ETFB: variants seen among roughly 807,000 people sequenced by gnomAD.
ETFB encodes the protein electron transfer flavoprotein subunit beta.
ETFB carries 20 observed loss-of-function variants against 25.6 expected under a neutral mutation model. The ratio of observed to expected loss-of-function variants is 0.78; its 90% CI spans 0.55 to 1.14. ETFB has a LOEUF of 1.14. ETFB is among the 50% of genes most tolerant of loss of function. ETFB has a pLI of 0.00. For synonymous variants in ETFB, 142 were observed against 146.7 expected, an observed-to-expected ratio of 0.97 and a Z score of 0.23; for missense variants, 286 against 342.6, an observed-to-expected ratio of 0.83 and a Z score of 1.30.
At chr19:51,362,262 C>T (rs1269245123) in intron 1 of ETFB, among the ~76,000 whole-genome samples, 1 of 151,804 alleles carries the variant, frequency 6.6e-6, no homozygotes, top group Non-Finnish European at 1.5e-5. Flanking sequence ...ACTAAACATC[C>T]ATTACTACTA....
At chr19:51,351,384 C>T (rs554184688) in intron 3 of ETFB, among the ~76,000 whole-genome samples, 1 of 152,240 alleles carries the variant, frequency 6.6e-6, no homozygotes, top group African/African-American at 2.4e-5. Context: ...TGCCTGAAGC[C>T]CCTGATTTAC....
intron 3 of ETFB, 38 bp downstream of exon 3, chr19:51,353,094 A>G (rs1568467509): frequency 6.2e-7 from 1 of 1,612,828 alleles, no homozygotes; most frequent in Non-Finnish European, 8.5e-7. Flanking sequence ...CCGAGCAGGG[A>G]TGAGCAAGGG....
Position 51,353,194 on chromosome 19 carries a change from C to T in ETFB, c.313G>A (p.Ala105Thr). ...TCTGCCAGCTTGGCCAGGACCCGAG[C>T]CACCTGCAGGGGACCCAAGCGTTCT... ...EAERLGPLQV[A>T]RVLAKLAEKE... The change falls in exon 3 of 6, where the codon GCT (alanine) becomes ACT (threonine). Residue 105 changes from alanine (A) to threonine (T), a missense_variant. By Grantham distance (58) the Ala-to-Thr change is moderately conservative. Transcript: ENST00000309244. 6.2e-7 allele frequency: 1 copy of T among 1,614,144 alleles called. No homozygotes were observed.
At chr19:51,353,846 T>C (rs74176135) in intron 2 of ETFB, among the ~76,000 whole-genome samples, 50 of 7,302 alleles carry the variant, frequency 6.8e-3, no homozygotes, top group Non-Finnish European at 0.013. Context: ...ATCCCCTCCT[T>C]CCTCAGACCC....
At chr19:51,360,199 C>G (rs1287155764) in intron 1 of ETFB, among the ~76,000 whole-genome samples, 1 of 151,842 alleles carries the variant, frequency 6.6e-6, no homozygotes, top group Non-Finnish European at 1.5e-5. Context: ...GTCAGGAGTT[C>G]GAGACCAGCC....
At chr19:51,359,133 C>T (rs1023674519) in intron 1 of ETFB, among the ~76,000 whole-genome samples, 4 of 152,034 alleles carry the variant, frequency 2.6e-5, no homozygotes, top group African/African-American at 4.8e-5. Flanking sequence ...CTTACTGCAA[C>T]CTCCACCTCC....
chr19:51,345,207 G>A lies in ETFB; in HGVS notation c.*4C>T, dbSNP rs753778245. 106 of 1,613,904 alleles carry A rather than the reference G, an allele frequency of 6.6e-5. No individual in the cohort carries two copies. The highest frequency in any genetic ancestry group is 8.7e-5 in the Non-Finnish European group (103 of 1,179,922). On this transcript the variant is annotated 3_prime_UTR_variant, in exon 6 of 6. Coordinates refer to ENST00000309244, the MANE Select transcript of ETFB (RefSeq NM_001985.3). ...TCAGTTTTATTGCCATCTCTGGGAG[G>A]GGCTCAAATCCGCCCAATCTCCTTC...
rs368139326 is a variant in ETFB at position 51,354,268 on chromosome 19, C to A, written c.98G>T (p.Gly33Val). ...KPDRTGVVTD[G>V]VKHSMNPFCE... Reference sequence around the variant, plus strand: ...GAAGGGGTTCATGGAGTGCTTCACACCATCCGTGACCACACCGGTCCTGTC... The same window carrying A: ...GAAGGGGTTCATGGAGTGCTTCACAACATCCGTGACCACACCGGTCCTGTC... Residue 33 changes from glycine (G) to valine (V), a missense_variant, in exon 2 of 6, where the codon GGT becomes GTT. Transcript: ENST00000309244. 6.2e-6 allele frequency: 10 copies of A among 1,614,080 alleles called. No homozygotes were observed. Among genetic ancestry groups the A allele is most frequent in the Non-Finnish European group, 8.5e-6 (10 of 1,180,056 alleles).
chr19:51,363,998 C>A (rs1986291795), intron 1 of ETFB, among the ~76,000 whole-genome samples: 1 of 152,138 alleles, frequency 6.6e-6, no homozygotes, highest in Non-Finnish European at 1.5e-5. Flanking sequence ...AAATGCCAGG[C>A]AGAGGGGCTG....
intron 5 of ETFB, chr19:51,346,298 T>C (rs1049426665): frequency 3.1e-5 from 5 of 161,506 alleles, no homozygotes; most frequent in African/African-American, 1.2e-4. Flanking sequence ...GATGATGTAG[T>C]GAACACTCTG....
intron 1 of ETFB, among the ~76,000 whole-genome samples, chr19:51,360,258 C>G: frequency 6.6e-6 from 1 of 151,754 alleles, no homozygotes; most frequent in Middle Eastern, 3.2e-3. Context: ...AAAAATTAGT[C>G]GAGCGTTTTA....
rs578243774 is a variant in ETFB, at chr19:51,354,344, G to A, written c.58-36C>T. On this transcript the variant is annotated intron_variant, in intron 1 of 5. Transcript: ENST00000309244. ...GGAGGGGAAGGGGTGGGGTCAGGAG[G>A]AAACAGGCAAGAAGGTGGGGGCCTC... is the stretch of plus-strand genomic sequence containing the variant. 10 of 1,614,058 alleles carry A rather than the reference G, an allele frequency of 6.2e-6. No homozygotes were observed. In the East Asian group the frequency reaches 1.6e-4, roughly 25 times the overall value.
intron 1 of ETFB, among the ~76,000 whole-genome samples, chr19:51,364,011 ACT>A (rs1255601930): frequency 1.3e-5 from 2 of 151,668 alleles, no homozygotes; most frequent in Non-Finnish European, 2.9e-5. Context: ...AGGGGCTGCG[ACT>A]CTGTCCTGAG....
At chr19:51,358,827 AC>A (rs1986145972) in intron 1 of ETFB, among the ~76,000 whole-genome samples, 1 of 115,192 alleles carries the variant, frequency 8.7e-6, no homozygotes, top group Admixed American at 8.1e-5. Context: ...CAAACAAACA[AC>A]AACAAAAAAA....
intron 1 of ETFB, among the ~76,000 whole-genome samples, chr19:51,360,817 G>T (rs1011024364): frequency 2.0e-5 from 3 of 150,998 alleles, no homozygotes; most frequent in African/African-American, 7.3e-5. Context: ...ACAGAGTCTT[G>T]TTCTGTTGCC....
Position 51,346,927 on chromosome 19 carries a change from G to A in ETFB, c.570C>T (p.Pro190=), listed in dbSNP as rs1036199497. The A allele has an allele frequency of 6.4e-7, 1 of 1,568,566 alleles. No individual in the cohort carries two copies. Among genetic ancestry groups the A allele is most frequent in the Non-Finnish European group, 8.6e-7 (1 of 1,156,672 alleles). ...VVTADLRLNE[P]RYATLPNIMK... is the part of the protein sequence containing the mutation. ...TGATGTTGGGCAGCGTGGCGTAGCG[G>A]GGCTCGTTGAGCCTCAGGTCAGCTG... The change falls in exon 5 of 6, where the codon CCC becomes CCT. Residue 190 remains proline, a synonymous_variant. Transcript: ENST00000309244.
At chr19:51,345,567 A>G (rs1985752296) in intron 5 of ETFB, 186 bp from the exon 6 acceptor site, 3 of 647,124 alleles carry the variant, frequency 4.6e-6, no homozygotes, top group African/African-American at 3.6e-5. Context: ...CCTGCTGGCT[A>G]GGAGGCCCTG....
intron 1 of ETFB, among the ~76,000 whole-genome samples, chr19:51,362,018 G>A (rs12461410): frequency 0.22 from 33,355 of 151,938 alleles, 4,585 homozygotes; most frequent in South Asian, 0.42. Flanking sequence ...CTGGGGTCTT[G>A]AAAGAGGCCC....
At chr19:51,363,846 A>G (rs1031873224) in intron 1 of ETFB, among the ~76,000 whole-genome samples, 1 of 152,148 alleles carries the variant, frequency 6.6e-6, no homozygotes, top group Non-Finnish European at 1.5e-5. Context: ...GAAGGCATGG[A>G]ACGGGCAAGC....
Sources: allele counts gnomAD v4.1 joint callset (sites outside exome capture counted in the v4.1 genomes callset), GRCh38; gene constraint gnomAD v4.1.1; transcripts MANE v1.5; gene names NCBI Gene and HGNC (gene_info 2026-07-23, HGNC 2026-07-21).